NEBL: variants seen among roughly 807,000 people sequenced by gnomAD.
The protein encoded by NEBL is LIM and SH3 protein 2.
Under a neutral mutation model 140.2 loss-of-function variants are expected in NEBL, and 122 were observed. The ratio of observed to expected loss-of-function variants is 0.87; its 90% CI spans 0.75 to 1.01. NEBL has a LOEUF of 1.01. Among genes scored for constraint, NEBL ranks in the 50% least tolerant of loss-of-function variants. NEBL has a pLI of 0.00. For missense variants in NEBL, 1,365 were observed against 1,231.3 expected (o/e 1.11, Z -1.62); for synonymous variants, 436 against 398.9 (o/e 1.09, Z -1.11).
chr10:20,876,458 G>A (rs1340819362), intron 5 of NEBL, among the ~76,000 whole-genome samples: 1 of 152,020 alleles, frequency 6.6e-6, no homozygotes, highest in East Asian at 1.9e-4. Flanking sequence ...ACCACAGAGA[G>A]CCATAATTGT....
intron 2 of NEBL, among the ~76,000 whole-genome samples, chr10:21,104,278 G>T (rs1310587632): frequency 6.6e-6 from 1 of 152,134 alleles, no homozygotes; most frequent in Admixed American, 6.5e-5. Context: ...AGAGCCTTCT[G>T]GAATTTCAAT....
At position 20,897,039 on chromosome 10, in the gene NEBL, A is replaced by G. The variant is rs1266058199; in HGVS notation, c.82-10T>C. On this transcript the variant is annotated splice_polypyrimidine_tract_variant and intron_variant, in intron 1 of 27. Coordinates refer to ENST00000377122, the MANE Select transcript of NEBL (RefSeq NM_006393.3). ...CAGGCTTATAGAAGACCTATTTGAA[A>G]AAAAAGAAAAGAACAGAAAGAACAT... 1 of 1,613,028 alleles carries G rather than the reference A, an allele frequency of 6.2e-7. No homozygotes were observed. Among genetic ancestry groups the G allele is most frequent in the South Asian group, 1.1e-5 (1 of 91,030 alleles).
chr10:20,822,357 C>A (rs10828138), intron 19 of NEBL, among the ~76,000 whole-genome samples: 68,673 of 151,376 alleles, frequency 0.45, 16,572 homozygotes, highest in East Asian at 0.64. Context: ...ATCTATCTAT[C>A]TATAGGTCTA....
intron 19 of NEBL, among the ~76,000 whole-genome samples, chr10:20,820,938 A>G (rs981178944): frequency 3.3e-5 from 5 of 152,246 alleles, no homozygotes; most frequent in African/African-American, 1.2e-4. Context: ...AGTTTAAAAA[A>G]TAAATGAAAA....
At chr10:20,910,796 AC>A (rs1848295209) in intron 4 of NEBL, among the ~76,000 whole-genome samples, 1 of 150,654 alleles carries the variant, frequency 6.6e-6, no homozygotes, top group African/African-American at 2.4e-5. Context: ...CTTTTGTCAA[AC>A]CACTTTTTTT....
At chr10:21,277,360 C>T (rs772418748) in intron 1 of NEBL, among the ~76,000 whole-genome samples, 11 of 152,044 alleles carry the variant, frequency 7.2e-5, no homozygotes, top group Non-Finnish European at 1.5e-4. Flanking sequence ...GAGTGCCCAC[C>T]ACCACTCCTG....
At chr10:20,884,195 T>C (rs1293780403) in intron 4 of NEBL, among the ~76,000 whole-genome samples, 4 of 152,358 alleles carry the variant, frequency 2.6e-5, no homozygotes, top group East Asian at 1.9e-4. Context: ...TGTATACAGA[T>C]AAAATGTACA....
intron 2 of NEBL, among the ~76,000 whole-genome samples, chr10:20,891,793 C>A (rs1017923317): frequency 7.9e-5 from 12 of 151,498 alleles, no homozygotes; most frequent in Non-Finnish European, 1.3e-4. Flanking sequence ...AGAAATTGTA[C>A]AATTTGTTAG....
intron 3 of NEBL, among the ~76,000 whole-genome samples, chr10:20,989,643 G>T (rs1052044272): frequency 2.0e-5 from 3 of 151,954 alleles, no homozygotes; most frequent in Admixed American, 2.0e-4. Flanking sequence ...TACTAGCATG[G>T]GACTAGATAA....
At chr10:21,043,806 G>A (rs1260900595) in intron 2 of NEBL, among the ~76,000 whole-genome samples, 1 of 152,064 alleles carries the variant, frequency 6.6e-6, no homozygotes, top group Admixed American at 6.6e-5. Flanking sequence ...CAACATAGAT[G>A]CATCAGACTA....
chr10:20,874,905 AG>A (rs1316997914), intron 5 of NEBL, among the ~76,000 whole-genome samples: 1 of 151,698 alleles, frequency 6.6e-6, no homozygotes, highest in Non-Finnish European at 1.5e-5. Flanking sequence ...ACACCCAGAT[AG>A]TTTTTGTATT....
At chr10:20,920,956 G>A (rs1367699922) in intron 4 of NEBL, among the ~76,000 whole-genome samples, 1 of 152,044 alleles carries the variant, frequency 6.6e-6, no homozygotes, top group Non-Finnish European at 1.5e-5. Context: ...TTCATATTTT[G>A]AAAATATTAT....
chr10:20,942,588 T>C (rs186519613), intron 4 of NEBL, among the ~76,000 whole-genome samples: 53 of 152,178 alleles, frequency 3.5e-4, no homozygotes, highest in Admixed American at 2.7e-3. Flanking sequence ...AATTGGCAAA[T>C]GGGACCTAAT....
intron 2 of NEBL, among the ~76,000 whole-genome samples, chr10:21,055,153 G>A (rs1404702190): frequency 6.6e-6 from 1 of 152,030 alleles, no homozygotes; most frequent in African/African-American, 2.4e-5. Flanking sequence ...ACAACCTTAT[G>A]CTTTCTTAAT....
chr10:21,110,041 G>T (rs1837918300), intron 2 of NEBL, among the ~76,000 whole-genome samples: 1 of 151,984 alleles, frequency 6.6e-6, no homozygotes, highest in Non-Finnish European at 1.5e-5. Context: ...CTTGTCTTCT[G>T]CTAGCTTTTG....
chr10:20,920,276 C>T (rs1414920804), intron 4 of NEBL, among the ~76,000 whole-genome samples: 1 of 152,118 alleles, frequency 6.6e-6, no homozygotes, highest in Non-Finnish European at 1.5e-5. Flanking sequence ...ACTTTTTAAC[C>T]CATCAGTCAC....
intron 4 of NEBL, among the ~76,000 whole-genome samples, chr10:20,921,253 C>T (rs1207530759): frequency 6.6e-6 from 1 of 152,160 alleles, no homozygotes; most frequent in East Asian, 1.9e-4. Flanking sequence ...CAAATTCACA[C>T]ACACACGCAC....
At position 21,198,715 on chromosome 10, in the gene NEBL, G is replaced by A. The variant is rs1172111493; in HGVS notation, n.349-26238C>T. ...TCCATACATACCCCTCCCACTGCCAGCACCAGCCACTAGTGCCAGCTACTT... is the reference window on the plus strand; with the variant it reads ...TCCATACATACCCCTCCCACTGCCAACACCAGCCACTAGTGCCAGCTACTT... On this transcript the variant is annotated intron_variant and non_coding_transcript_variant, in intron 3 of 8. Coordinates refer to the NEBL transcript ENST00000675702. 2.6e-5 allele frequency among the ~76,000 whole-genome samples: 4 copies of A among 152,024 alleles called. No homozygotes were observed. The South Asian group carries it at 8.3e-4, about 32-fold the overall frequency.
At chr10:21,098,974 C>CA (rs1301444581) in intron 2 of NEBL, among the ~76,000 whole-genome samples, 114 of 148,162 alleles carry the variant, frequency 7.7e-4, no homozygotes, top group African/African-American at 2.1e-3. Context: ...CCACACCCAC[C>CA]AAAAAAAAAA....
Sources: allele counts gnomAD v4.1 joint callset (sites outside exome capture counted in the v4.1 genomes callset), GRCh38; gene constraint gnomAD v4.1.1; transcripts MANE v1.5; gene names NCBI Gene and HGNC (gene_info 2026-07-23, HGNC 2026-07-21).